PTPRA: variants seen among roughly 807,000 people sequenced by gnomAD.
PTPRA encodes protein tyrosine phosphatase receptor type A.
PTPRA carries 25 observed loss-of-function variants against 104.8 expected under a neutral mutation model. That is an observed-to-expected ratio of 0.24 (90% confidence interval 0.17 to 0.33). The LOEUF (loss-of-function observed/expected upper bound fraction) is 0.33, where lower values mean the gene tolerates loss of function less well. Ranked by LOEUF, PTPRA falls within the 10% of genes least tolerant of loss-of-function variation. The probability of loss-of-function intolerance (pLI) is 1.00; values close to 1 mark genes in which losing one functional copy is unlikely to be tolerated. For missense variants in PTPRA, 765 were observed against 1,015.3 expected, an observed-to-expected ratio of 0.75 and a Z score of 3.35; for synonymous variants, 323 against 368.9, an observed-to-expected ratio of 0.88 and a Z score of 1.43.
intron 6 of PTPRA, among the ~76,000 whole-genome samples, chr20:2,978,073 C>A (rs1398854312): frequency 2.0e-5 from 3 of 152,018 alleles, no homozygotes; most frequent in Middle Eastern, 3.2e-3. Context: ...GATCTGTGCG[C>A]AGTTGACATG....
intron 1 of PTPRA, among the ~76,000 whole-genome samples, chr20:2,886,320 T>A (rs182273479): frequency 6.6e-5 from 10 of 152,324 alleles, no homozygotes; most frequent in African/African-American, 2.4e-4. Context: ...GATGAAATGA[T>A]GTTGATATCT....
chr20:2,964,821 A>G, intron 4 of PTPRA, 40 bp from the exon 5 acceptor site: 1 of 1,526,918 alleles, frequency 6.5e-7, no homozygotes, highest in Non-Finnish European at 9.0e-7. Flanking sequence ...TTAGCCTCAC[A>G]TTCTTCATGT....
chr20:2,979,692 A>C (rs773460160), intron 6 of PTPRA, among the ~76,000 whole-genome samples: 4 of 142,480 alleles, frequency 2.8e-5, no homozygotes, highest in Non-Finnish European at 4.4e-5. Flanking sequence ...ATGCCCAGCT[A>C]ATCAGGTGTT....
At chr20:2,867,600 C>T in the PTPRA span, among the ~76,000 whole-genome samples, 4 of 151,554 alleles carry the variant, frequency 2.6e-5, no homozygotes, top group African/African-American at 9.7e-5. Context: ...CCTCTGCTCT[C>T]CCTATCTAGC....
intron 1 of PTPRA, among the ~76,000 whole-genome samples, chr20:2,900,726 A>G (rs916938419): frequency 1.3e-5 from 2 of 151,318 alleles, no homozygotes; most frequent in African/African-American, 2.4e-5. Context: ...GCGTGGTGGC[A>G]GGTGCCTGTA....
At chr20:2,982,573 A>G (rs1324004528) in intron 6 of PTPRA, among the ~76,000 whole-genome samples, 1 of 152,134 alleles carries the variant, frequency 6.6e-6, no homozygotes, top group Non-Finnish European at 1.5e-5. Flanking sequence ...TGTGGAATTT[A>G]TGCTATAAAG....
chr20:2,986,737 A>G, intron 6 of PTPRA, 28 bp from the exon 7 acceptor site: 1 of 1,580,910 alleles, frequency 6.3e-7, no homozygotes, highest in Middle Eastern at 1.7e-4. Context: ...CAACACAGTA[A>G]TGACTTGTTC....
chr20:2,961,093 A>G (rs765139237), intron 3 of PTPRA, among the ~76,000 whole-genome samples: 41 of 152,262 alleles, frequency 2.7e-4, no homozygotes, highest in Non-Finnish European at 5.0e-4. Flanking sequence ...GTAAACATCC[A>G]TGTGCAGGTT....
Position 3,026,150 on chromosome 20 carries a change from C to A in PTPRA, c.1615-537C>A, listed in dbSNP as rs558982684. Among the ~76,000 whole-genome samples, 5 of 151,906 alleles carry A rather than the reference C, an allele frequency of 3.3e-5. No homozygotes were observed. The South Asian group carries it at 1.0e-3, about 32-fold the overall frequency. On this transcript the variant is annotated intron_variant, in intron 17 of 23. Transcript: ENST00000399903. ...ACAGGGTTTCACCATGTTGGCCATG[C>A]GGGTCTCAAACTCCTAACCTCAGTT...
Position 2,965,111 on chromosome 20 carries a change from T to A in PTPRA, c.324T>A (p.Leu108=). ...CAATTTCACCAAATGGAACGTGGCT[T>A]CCAGATAACCAGTTCACGGATGCCA... The part of the protein sequence containing the change: ...GITISPNGTW[L]PDNQFTDART... Residue 108 remains leucine (L), a synonymous_variant, in exon 5 of 24, where the codon CTT becomes CTA. Coordinates refer to ENST00000399903, the MANE Select transcript of PTPRA (RefSeq NM_001385305.1). 1.9e-6 allele frequency: 3 copies of A among 1,614,162 alleles called. No individual in the cohort carries two copies. In the South Asian group the frequency reaches 3.3e-5, roughly 18 times the overall value.
chr20:2,930,429 A>G (rs2060465068), intron 2 of PTPRA, among the ~76,000 whole-genome samples: 1 of 152,222 alleles, frequency 6.6e-6, no homozygotes, highest in African/African-American at 2.4e-5. Context: ...GAGGTTGCAA[A>G]TGTAGTTTGG....
chr20:3,020,727 C>G (rs140835740), intron 13 of PTPRA, among the ~76,000 whole-genome samples: 2,076 of 152,324 alleles, frequency 0.014, 20 homozygotes, highest in Middle Eastern at 0.041. Context: ...CTTGAGTCAC[C>G]TTGATCCTAG....
intron 2 of PTPRA, among the ~76,000 whole-genome samples, chr20:2,924,548 A>C (rs891964794): frequency 2.0e-5 from 3 of 152,246 alleles, no homozygotes; most frequent in Non-Finnish European, 4.4e-5. Context: ...ATGGACAAGA[A>C]AAAGTAGATG....
intron 2 of PTPRA, among the ~76,000 whole-genome samples, chr20:2,941,715 T>C (rs929647509): frequency 1.3e-5 from 2 of 152,292 alleles, no homozygotes; most frequent in South Asian, 2.1e-4. Context: ...CCTTACTCTT[T>C]ATACTTCAGA....
At chr20:2,918,659 C>T (rs2059995904) in intron 1 of PTPRA, among the ~76,000 whole-genome samples, 1 of 152,236 alleles carries the variant, frequency 6.6e-6, no homozygotes, top group African/African-American at 2.4e-5. Context: ...TGGCTGTGCA[C>T]ATTGCACCAT....
At chr20:3,023,814 C>G (rs147250270) in intron 16 of PTPRA, among the ~76,000 whole-genome samples, 5 of 152,328 alleles carry the variant, frequency 3.3e-5, no homozygotes, top group Non-Finnish European at 7.4e-5. Context: ...TATACTTTGT[C>G]TCTGTGTCTT....
intron 11 of PTPRA, among the ~76,000 whole-genome samples, chr20:3,010,818 A>G (rs1304520122): frequency 1.3e-5 from 2 of 152,182 alleles, no homozygotes; most frequent in African/African-American, 2.4e-5. Context: ...ATCACTGGCT[A>G]GGACATTGAG....
At chr20:2,864,738 C>T in the PTPRA span, 5 of 1,420,438 alleles carry the variant, frequency 3.5e-6, no homozygotes, top group Non-Finnish European at 3.9e-6. This position sits in a 1 kb window ranked among gnomAD's most constrained non-coding sequence, Gnocchi z 5.2. Context: ...TCTAGGCCTT[C>T]GTGTTGGGTG....
intron 9 of PTPRA, among the ~76,000 whole-genome samples, chr20:2,992,367 A>G (rs1442541080): frequency 2.6e-5 from 4 of 152,084 alleles, no homozygotes; most frequent in African/African-American, 9.7e-5. Flanking sequence ...AAATACAAAA[A>G]TTAGCCAGGC....
Sources: gnomAD v4.1 joint callset for allele counts (sites outside exome capture counted in the v4.1 genomes callset) on GRCh38, gnomAD v4.1.1 for gene constraint, Gnocchi (gnomAD v3.1) non-coding constraint, MANE v1.5 for transcripts, NCBI Gene and HGNC (gene_info 2026-07-23, HGNC 2026-07-21) for gene names.